COPS3: variants seen among roughly 807,000 people sequenced by gnomAD.
COPS3 encodes the protein COP9 signalosome complex subunit 3.
A neutral mutation model predicts 58.2 loss-of-function variants in COPS3; 10 were observed. That is an observed-to-expected ratio of 0.17 (90% CI 0.11 to 0.29). COPS3 has a LOEUF of 0.29. COPS3 is among the 10% of genes least tolerant of loss of function. The probability of loss-of-function intolerance (pLI) is 1.00; values close to 1 mark genes in which losing one functional copy is unlikely to be tolerated. For missense variants in COPS3, 333 were observed against 510.1 expected (o/e 0.65, Z 3.34); for synonymous variants, 187 against 181.7 (o/e 1.03, Z -0.24).
rs769944990 is a variant in COPS3 at position 17,247,527 on chromosome 17, T to G, written c.1171A>C (p.Lys391Gln). 1 of 1,614,260 alleles carries G rather than the reference T, an allele frequency of 6.2e-7. No individual in the cohort carries two copies. Among genetic ancestry groups the G allele is most frequent in the Non-Finnish European group, 8.5e-7 (1 of 1,180,042 alleles). ...LKCIELDERL[K>Q]AMDQEITVNP... The stretch of plus-strand genomic sequence containing the variant: ...ACTGTGATCTCCTGGTCCATGGCTT[T>G]CAGCCGCTCATCCAGCTCAATGCAC... Residue 391 changes from lysine (K) to glutamine (Q), a missense_variant, in exon 11 of 12, where the codon AAA becomes CAA. Physicochemically the swap from Lys to Gln is moderately conservative, Grantham distance 53. Transcript: ENST00000268717.
chr17:17,268,192 T>C (rs978230910), intron 4 of COPS3: 24 of 522,016 alleles, frequency 4.6e-5, no homozygotes, highest in Admixed American at 3.8e-5. Flanking sequence ...CTCAGCACCA[T>C]TTTTTAAATC....
Position 17,268,030 on chromosome 17 carries a change from G to A in COPS3, c.349-53C>T, listed in dbSNP as rs368144847. ...AAGTTCTCAAAGATGGCAGCACATT[G>A]GATCTTATGTTGTCACTTATAAATA... is the stretch of plus-strand genomic sequence containing the variant. On this transcript the variant is annotated intron_variant, in intron 4 of 11. Coordinates refer to ENST00000268717, the MANE Select transcript of COPS3 (RefSeq NM_003653.4). 1,424 of 1,597,474 alleles carry A rather than the reference G, an allele frequency of 8.9e-4. 2 individuals are homozygous for A. Among genetic ancestry groups the A allele is most frequent in the Non-Finnish European group, 1.1e-3 (1,273 of 1,171,098 alleles).
chr17:17,275,990 T>C (rs1029400611), intron 2 of COPS3, 45 bp downstream of exon 2: 1 of 1,554,358 alleles, frequency 6.4e-7, no homozygotes, highest in Non-Finnish European at 8.8e-7. Flanking sequence ...GTGCACAGTG[T>C]TCCATTTTAA....
At chr17:17,274,806 AGT>A (rs2048427110) in intron 2 of COPS3, among the ~76,000 whole-genome samples, 1 of 151,160 alleles carries the variant, frequency 6.6e-6, no homozygotes, top group Non-Finnish European at 1.5e-5. Flanking sequence ...ATGCCTTAAT[AGT>A]GCTAAGTTTA....
chr17:17,252,690 T>G (rs2145192665), intron 9 of COPS3, among the ~76,000 whole-genome samples: 1 of 152,330 alleles, frequency 6.6e-6, no homozygotes, highest in African/African-American at 2.4e-5. Flanking sequence ...AACGCGTTGC[T>G]AGCTAGTATG....
chr17:17,264,672 G>T, intron 6 of COPS3, 130 bp downstream of exon 6: 1 of 673,032 alleles, frequency 1.5e-6, no homozygotes, highest in Non-Finnish European at 2.5e-6. Context: ...TCACAGAGAA[G>T]TAGTCTCTGA....
intron 2 of COPS3, among the ~76,000 whole-genome samples, chr17:17,275,454 A>T (rs1052194744): frequency 1.3e-5 from 2 of 152,274 alleles, no homozygotes; most frequent in Admixed American, 6.5e-5. Flanking sequence ...CAGTGGCGCG[A>T]CCTTGGCTCA....
At chr17:17,248,624 G>A (rs1736202) in intron 10 of COPS3, among the ~76,000 whole-genome samples, 76,813 of 151,976 alleles carry the variant, frequency 0.51, 20,595 homozygotes, top group East Asian at 0.63. Context: ...GCCTGGAAGA[G>A]TTTTAAGCAG....
intron 1 of COPS3, 148 bp from the exon 2 acceptor site, chr17:17,276,312 A>G: frequency 3.0e-6 from 3 of 991,472 alleles, no homozygotes; most frequent in Non-Finnish European, 4.4e-6. Flanking sequence ...CAGAAGGACC[A>G]GAGGAGTGAA....
chr17:17,262,283 C>T (rs1260953537), intron 6 of COPS3, among the ~76,000 whole-genome samples, 177 bp from the exon 7 acceptor site: 2 of 152,066 alleles, frequency 1.3e-5, no homozygotes, highest in Non-Finnish European at 2.9e-5. Flanking sequence ...TTTTTAGAGA[C>T]AGGGTCTCGC....
At chr17:17,268,974 CT>C (rs1393124095) in intron 4 of COPS3, among the ~76,000 whole-genome samples, 2 of 152,100 alleles carry the variant, frequency 1.3e-5, no homozygotes, top group Non-Finnish European at 2.9e-5. Context: ...AAAATAACAA[CT>C]GGTTCTATTT....
At chr17:17,274,124 G>A (rs150528799) in intron 2 of COPS3, among the ~76,000 whole-genome samples, 31 of 152,288 alleles carry the variant, frequency 2.0e-4, no homozygotes, top group Non-Finnish European at 3.8e-4. Context: ...GGTGTTTACC[G>A]TTGTATATGT....
intron 1 of COPS3, chr17:17,280,893 G>A: frequency 3.1e-6 from 3 of 980,000 alleles, no homozygotes; most frequent in Non-Finnish European, 2.9e-6. Flanking sequence ...CGGGGGGAGG[G>A]GGCTCCCGGC....
intron 9 of COPS3, among the ~76,000 whole-genome samples, chr17:17,249,640 G>A (rs991214858): frequency 9.9e-5 from 15 of 152,162 alleles, no homozygotes; most frequent in Non-Finnish European, 1.8e-4. Context: ...TTACAGGCAT[G>A]CACCACCACG....
rs1567867680 is a variant in COPS3 at position 17,281,198 on chromosome 17, G to GGCGGCCCGA, written c.-21_-13dup. On this transcript the variant is annotated 5_prime_UTR_variant, in exon 1 of 12. Transcript: ENST00000268717. The stretch of plus-strand genomic sequence containing the variant: ...AGGGCAGACGCCATGTTTTCCCCCG[G>GGCGGCCCGA]GCGGCCCGAGCGGCGAAGGCAGCAC... 2.5e-6 allele frequency: 4 copies of GGCGGCCCGA among 1,608,478 alleles called. No homozygotes were observed. The highest frequency in any genetic ancestry group is 3.4e-6 in the Non-Finnish European group (4 of 1,177,768).
At chr17:17,270,150 C>T (rs1396525122) in intron 4 of COPS3, among the ~76,000 whole-genome samples, 1 of 148,020 alleles carries the variant, frequency 6.8e-6, no homozygotes, top group Non-Finnish European at 1.5e-5. Flanking sequence ...GAGCGAGACT[C>T]TGTCTCCAAA....
chr17:17,253,706 A>G (rs572477634), intron 9 of COPS3, among the ~76,000 whole-genome samples: 2 of 152,334 alleles, frequency 1.3e-5, no homozygotes, highest in African/African-American at 4.8e-5. Context: ...TTCTTGCTGC[A>G]GCAGTTGCTT....
At chr17:17,265,015 A>G in intron 5 of COPS3, 34 bp from the exon 6 acceptor site, 1 of 1,575,496 alleles carries the variant, frequency 6.3e-7, no homozygotes, top group Non-Finnish European at 8.6e-7. Context: ...CATCACTTTA[A>G]TTTTACTTAG....
intron 9 of COPS3, among the ~76,000 whole-genome samples, chr17:17,251,921 T>C (rs1440300463): frequency 6.6e-6 from 1 of 151,890 alleles, no homozygotes; most frequent in Non-Finnish European, 1.5e-5. Context: ...TACAAAAAAT[T>C]AGCCAGGCGT....
Sources: gnomAD v4.1 joint callset for allele counts (sites outside exome capture counted in the v4.1 genomes callset) on GRCh38, gnomAD v4.1.1 for gene constraint, MANE v1.5 for transcripts, NCBI Gene and HGNC (gene_info 2026-07-23, HGNC 2026-07-21) for gene names.